The following NPTN variants were observed in gnomAD, a reference collection of about 807,000 sequenced individuals.
The protein encoded by NPTN is neuroplastin.
NPTN carries 5 observed loss-of-function variants against 42.7 expected under a neutral mutation model. The ratio of observed to expected loss-of-function variants is 0.12; its 90% confidence interval spans 0.06 to 0.25. NPTN has a LOEUF of 0.25. Among genes scored for constraint, NPTN ranks in the 10% least tolerant of loss-of-function variants. The pLI is 1.00. For synonymous variants in NPTN, 180 were observed against 201.9 expected, an observed-to-expected ratio of 0.89 and a Z score of 0.92; for missense variants, 307 against 525.4, an observed-to-expected ratio of 0.58 and a Z score of 4.06.
At chr15:73,616,556 G>A (rs932898558) in intron 1 of NPTN, among the ~76,000 whole-genome samples, 1 of 152,134 alleles carries the variant, frequency 6.6e-6, no homozygotes, top group African/African-American at 2.4e-5. Flanking sequence ...AAAACCTGCT[G>A]CCTCCTCAGT....
rs757636421 is a variant in NPTN, at chr15:73,573,638, G to A, written c.840+24C>T. The A allele has an allele frequency of 5.8e-6, 9 of 1,541,192 alleles. No homozygotes were observed. The South Asian group carries it at 6.3e-5, about 11-fold the overall frequency. On this transcript the variant is annotated intron_variant, in intron 5 of 8. Coordinates refer to ENST00000345330, the MANE Select transcript of NPTN (RefSeq NM_012428.4). ...TGCAGGGAAAACTCCAGCAACCAGAGACCCGGGCCTGCCTCCTACTCACCA... is the reference window on the plus strand; with the variant it reads ...TGCAGGGAAAACTCCAGCAACCAGAAACCCGGGCCTGCCTCCTACTCACCA...
intron 4 of NPTN, among the ~76,000 whole-genome samples, chr15:73,576,562 G>A (rs1895710961): frequency 6.6e-6 from 1 of 152,090 alleles, no homozygotes; most frequent in African/African-American, 2.4e-5. Context: ...CTACTGACCT[G>A]AAGTGATCCA....
chr15:73,607,343 CTTCTGATAACAAGCT>C (rs1287726095), intron 1 of NPTN, among the ~76,000 whole-genome samples: 1 of 152,186 alleles, frequency 6.6e-6, no homozygotes, highest in Non-Finnish European at 1.5e-5. Context: ...TTCAGCGTAA[CTTCTGATAACAAGCT>C]TACTTTCTGT....
At chr15:73,589,132 G>C (rs1226347297) in intron 3 of NPTN, among the ~76,000 whole-genome samples, 1 of 152,034 alleles carries the variant, frequency 6.6e-6, no homozygotes, top group African/African-American at 2.4e-5. Context: ...AGGAGTTTGA[G>C]ATCAGCCTGG....
At position 73,567,361 on chromosome 15, in the gene NPTN, AAC is replaced by A. The variant is rs1015082673; in HGVS notation, c.1114+2787_1114+2788del. On this transcript the variant is annotated intron_variant, in intron 6 of 8. Transcript: ENST00000345330. ...TTTCCTAATGGTATAAAAAAAATCCAACACAGAGCCACAGATGGTTATCTGAT... is the reference window on the plus strand; with the variant it reads ...TTTCCTAATGGTATAAAAAAAATCCAACAGAGCCACAGATGGTTATCTGAT... 19 of 985,302 alleles carry A rather than the reference AAC, an allele frequency of 1.9e-5. No homozygotes were observed. The Admixed American group carries it at 3.7e-4, about 19-fold the overall frequency. The allele number at this position is 985,302 out of a possible 1,614,324, so 61.0% of individuals were successfully genotyped here.
At chr15:73,624,769 T>C (rs761893070) in intron 1 of NPTN, among the ~76,000 whole-genome samples, 5 of 152,310 alleles carry the variant, frequency 3.3e-5, no homozygotes, top group Admixed American at 2.0e-4. Flanking sequence ...AGTAAAGCAT[T>C]TGGCTTAGAA....
chr15:73,567,579 A>G, intron 6 of NPTN: 10 of 985,456 alleles, frequency 1.0e-5, no homozygotes, highest in Non-Finnish European at 1.1e-5. Context: ...TGGCTAAAGA[A>G]GGAAAAGGCA....
chr15:73,589,714 A>T (rs1161684841), intron 3 of NPTN, among the ~76,000 whole-genome samples: 2 of 152,138 alleles, frequency 1.3e-5, no homozygotes, highest in Non-Finnish European at 2.9e-5. Context: ...CATTCCAAAA[A>T]GGAAACACAG....
At position 73,573,806 on chromosome 15, in the gene NPTN, G is replaced by A; in HGVS notation, c.707-11C>T. The A allele has an allele frequency of 6.2e-7, 1 of 1,604,394 alleles. No individual in the cohort carries two copies. Among genetic ancestry groups the A allele is most frequent in the South Asian group, 1.1e-5 (1 of 88,772 alleles). On this transcript the variant is annotated splice_polypyrimidine_tract_variant and intron_variant, in intron 4 of 8. Coordinates refer to ENST00000345330, the MANE Select transcript of NPTN (RefSeq NM_012428.4). ...TGATGTCAGGAGCGGCTGTGAGAAA[G>A]CGTTAGACGCAGTTACCACGGAAGT...
intron 4 of NPTN, 54 bp from the exon 5 acceptor site, chr15:73,573,849 C>T: frequency 6.3e-7 from 1 of 1,591,160 alleles, no homozygotes; most frequent in Non-Finnish European, 8.5e-7. Flanking sequence ...AAACAGGATA[C>T]AAAGGCCCCA....
In NPTN at chr15:73,575,363, C is replaced by T. The variant is rs988377640; in HGVS notation, c.707-1568G>A. On this transcript the variant is annotated intron_variant, in intron 4 of 8. Coordinates refer to ENST00000345330, the MANE Select transcript of NPTN (RefSeq NM_012428.4). Reference sequence around the variant, plus strand: ...AACTGCTAACCTCAGATGATCTGCCCGCCTCAGCCTCCCAAAGTGTTGGGA... The same window carrying T: ...AACTGCTAACCTCAGATGATCTGCCTGCCTCAGCCTCCCAAAGTGTTGGGA... 7.2e-5 allele frequency among the ~76,000 whole-genome samples: 11 copies of T among 152,174 alleles called. No homozygotes were observed. In the East Asian group the frequency reaches 1.2e-3, roughly 16 times the overall value.
intron 1 of NPTN, among the ~76,000 whole-genome samples, chr15:73,603,519 CA>C (rs948794112): frequency 4.6e-5 from 7 of 152,138 alleles, no homozygotes; most frequent in South Asian, 2.1e-4. Flanking sequence ...CTGGAATGAA[CA>C]AAGTGATAAT....
At chr15:73,595,358 A>G (rs1280096831) in intron 2 of NPTN, among the ~76,000 whole-genome samples, 1 of 152,018 alleles carries the variant, frequency 6.6e-6, no homozygotes, top group East Asian at 1.9e-4. Flanking sequence ...AAAAAAAATC[A>G]CTGGGTTAAT....
rs116956311 is a variant in NPTN at position 73,591,751 on chromosome 15, A to G, written c.611+215T>C. 1,624 of 415,794 alleles carry G rather than the reference A, an allele frequency of 3.9e-3. 40 individuals carry two copies. In the Admixed American group the frequency reaches 0.041, roughly 10 times the overall value. 25.8% of individuals were successfully genotyped at this position (415,794 alleles called of 1,614,324 possible). On this transcript the variant is annotated intron_variant, in intron 3 of 8. Coordinates refer to ENST00000345330, the MANE Select transcript of NPTN (RefSeq NM_012428.4). ...GTTTCTCTATGATTATAGTGAGGGG[A>G]TCATCTATGATTCTCCAATCTGGCT...
intron 1 of NPTN, among the ~76,000 whole-genome samples, chr15:73,618,897 G>C (rs572371901): frequency 2.0e-5 from 3 of 151,676 alleles, no homozygotes; most frequent in South Asian, 4.2e-4. Flanking sequence ...CTACAAAAAA[G>C]TTTTTTAAAA....
intron 8 of NPTN, among the ~76,000 whole-genome samples, chr15:73,561,482 C>A (rs902076583): frequency 6.6e-6 from 1 of 152,118 alleles, no homozygotes; most frequent in African/African-American, 2.4e-5. Context: ...GAGTTCAAGA[C>A]CACCCTGGCC....
At chr15:73,589,854 A>G (rs1896502032) in intron 3 of NPTN, among the ~76,000 whole-genome samples, 1 of 151,992 alleles carries the variant, frequency 6.6e-6, no homozygotes, top group Non-Finnish European at 1.5e-5. Context: ...CTCTTCTTAA[A>G]TCATTATGCT....
chr15:73,570,059 C>T lies in NPTN; in HGVS notation c.1114+91G>A. 8.0e-7 allele frequency: 1 copy of T among 1,255,064 alleles called. No individual in the cohort carries two copies. The highest frequency in any genetic ancestry group is 1.1e-6 in the Non-Finnish European group (1 of 941,162). 77.7% of individuals were successfully genotyped at this position (1,255,064 alleles called of 1,614,324 possible). The stretch of plus-strand genomic sequence containing the variant: ...TCCTTCTTTCCTTTAGGGATTGAAT[C>T]CCAACATCCCTATAGTCCTCTTTGG... On this transcript the variant is annotated intron_variant, in intron 6 of 8. Transcript: ENST00000345330. This position sits in a 1 kb window ranked among gnomAD's most constrained non-coding sequence, Gnocchi z 4.0.
chr15:73,618,224 T>C (rs1334451357), intron 1 of NPTN, among the ~76,000 whole-genome samples: 1 of 152,202 alleles, frequency 6.6e-6, no homozygotes, highest in Non-Finnish European at 1.5e-5. Flanking sequence ...AGCTGAGCTG[T>C]TTCTGAGAAA....
Sources: allele counts gnomAD v4.1 joint callset (sites outside exome capture counted in the v4.1 genomes callset), GRCh38; gene constraint gnomAD v4.1.1; non-coding constraint Gnocchi (gnomAD v3.1); transcripts MANE v1.5; gene names NCBI Gene and HGNC (gene_info 2026-07-23, HGNC 2026-07-21).